HERC2: variants seen among roughly 807,000 people sequenced by gnomAD.
The protein encoded by HERC2 is HECT and RLD domain containing E3 ubiquitin protein ligase 2.
A neutral mutation model predicts 537.7 loss-of-function variants in HERC2; 102 were observed. The observed-to-expected ratio is 0.19, with a 90% CI of 0.16 to 0.22. The LOEUF (loss-of-function observed/expected upper bound fraction) is 0.22. HERC2 is among the 10% of genes least tolerant of loss of function. The pLI is 1.00. For synonymous variants in HERC2, 2,224 were observed against 2,466.2 expected (o/e 0.90, Z 2.91); for missense variants, 4,236 against 6,198.2 (o/e 0.68, Z 10.63).
intron 2 of HERC2, chr15:28,315,943 A>G: frequency 1.0e-5 from 4 of 400,196 alleles, no homozygotes; most frequent in South Asian, 8.3e-5. Context: ...CACCTTGCTC[A>G]TAAACAAAAT....
chr15:28,203,606 C>T (rs1279878444), intron 45 of HERC2: 1 of 152,018 alleles, frequency 6.6e-6, no homozygotes, highest in Non-Finnish European at 1.5e-5. Context: ...AAAACGAGTA[C>T]AACCCCTGAC....
At chr15:28,232,830 A>C (rs1441772691) in intron 30 of HERC2, among the ~76,000 whole-genome samples, 1 of 152,196 alleles carries the variant, frequency 6.6e-6, no homozygotes, top group African/African-American at 2.4e-5. Flanking sequence ...ATTATATCTC[A>C]TTACCAGGAT....
chr15:28,270,262 TAGATAGAC>T (rs1239767152), intron 10 of HERC2, among the ~76,000 whole-genome samples: 2 of 151,454 alleles, frequency 1.3e-5, no homozygotes, highest in African/African-American at 4.8e-5. Flanking sequence ...GATAGATAGA[TAGATAGAC>T]AGACAGACAG....
chr15:28,127,751 C>T (rs1889663029), intron 83 of HERC2, among the ~76,000 whole-genome samples: 1 of 152,046 alleles, frequency 6.6e-6, no homozygotes, highest in Admixed American at 6.6e-5. Flanking sequence ...TCCCAGACAA[C>T]GGGGACACAC....
intron 55 of HERC2, among the ~76,000 whole-genome samples, chr15:28,187,517 G>A (rs1288265916): frequency 6.6e-6 from 1 of 152,058 alleles, no homozygotes; most frequent in Non-Finnish European, 1.5e-5. Context: ...ATTTTTAGTA[G>A]AGACAAGGTT....
At chr15:28,165,781 C>G (rs1232854936) in intron 68 of HERC2, among the ~76,000 whole-genome samples, 1 of 152,110 alleles carries the variant, frequency 6.6e-6, no homozygotes, top group Non-Finnish European at 1.5e-5. Flanking sequence ...GCCTGGGCAA[C>G]AGAACAAGAC....
intron 4 of HERC2, among the ~76,000 whole-genome samples, chr15:28,285,817 A>AAAAAG (rs1376304077): frequency 6.6e-6 from 1 of 151,676 alleles, no homozygotes. Flanking sequence ...AAAAAAAAAA[A>AAAAAG]AAGACATAAA....
chr15:28,293,136 G>A (rs2076365281), intron 3 of HERC2, 114 bp from the exon 4 acceptor site: 1 of 868,526 alleles, frequency 1.2e-6, no homozygotes, highest in Admixed American at 2.5e-5. Flanking sequence ...CTGAATGTTG[G>A]ACAACGTAAA....
Position 28,182,431 on chromosome 15 carries a change from C to T in HERC2, c.8907G>A (p.Lys2969=). Residue 2969 remains lysine (K), a synonymous_variant, in exon 57 of 93, where the codon AAG becomes AAA. Coordinates refer to ENST00000261609, the MANE Select transcript of HERC2 (RefSeq NM_004667.6). Reference sequence around the variant, plus strand: ...AGCCTTTCAGCCCGCCCAGCTGGTCCTTGTCATTCAGGCCCCACACAAACA... The same window carrying T: ...AGCCTTTCAGCCCGCCCAGCTGGTCTTTGTCATTCAGGCCCCACACAAACA... ...TKVFVWGLND[K]DQLGGLKGSK... is the part of the protein sequence containing the mutation. 1 of 1,613,894 alleles carries T rather than the reference C, an allele frequency of 6.2e-7. No individual in the cohort carries two copies. Among genetic ancestry groups the T allele is most frequent in the Non-Finnish European group, 8.5e-7 (1 of 1,179,968 alleles).
chr15:28,177,391 C>T lies in HERC2; in HGVS notation c.9254+28G>A, dbSNP rs777183512. The T allele has an allele frequency of 2.5e-6, 4 of 1,583,798 alleles. No individual in the cohort carries two copies. In the South Asian group the frequency reaches 3.3e-5, roughly 13 times the overall value. On this transcript the variant is annotated intron_variant, in intron 60 of 92. Transcript: ENST00000261609. The surrounding 1 kb of genome is among the most constrained non-coding windows in gnomAD (Gnocchi z 5.0). Reference sequence around the variant, plus strand: ...TCAGTCAGAAACAGTTTCTTATTAGCAAATGAGACTAAAAAAAGTACCCTT... The same window carrying T: ...TCAGTCAGAAACAGTTTCTTATTAGTAAATGAGACTAAAAAAAGTACCCTT...
chr15:28,310,844 G>A (rs185968239), intron 2 of HERC2, among the ~76,000 whole-genome samples: 1,879 of 152,048 alleles, frequency 0.012, 17 homozygotes, highest in Admixed American at 0.022. Flanking sequence ...TTGGGAGGCC[G>A]AAGCGGGTGG....
intron 85 of HERC2, 129 bp downstream of exon 85, chr15:28,123,908 G>A (rs1889194624): frequency 1.5e-6 from 1 of 654,642 alleles, no homozygotes; most frequent in Non-Finnish European, 2.4e-6. Flanking sequence ...TGGCATGCAG[G>A]AGGCATTCCG....
At chr15:28,206,438 T>C (rs1898451571) in intron 44 of HERC2, 56 bp from the exon 45 acceptor site, 1 of 607,894 alleles carries the variant, frequency 1.6e-6, no homozygotes, top group East Asian at 3.4e-5. Flanking sequence ...GAACACCACT[T>C]TACTATTAAA....
chr15:28,293,437 G>A (rs1467299091), intron 3 of HERC2, among the ~76,000 whole-genome samples: 1 of 147,286 alleles, frequency 6.8e-6, no homozygotes, highest in Non-Finnish European at 1.5e-5. Flanking sequence ...AGCTTGCAGT[G>A]AGCTGAGATC....
intron 2 of HERC2, among the ~76,000 whole-genome samples, chr15:28,300,544 C>T (rs2076592001): frequency 6.6e-6 from 1 of 151,150 alleles, no homozygotes; most frequent in African/African-American, 2.4e-5. Flanking sequence ...GGTTTTAGGC[C>T]GGCCACGGTG....
rs748069514 is a variant in HERC2 at position 28,233,523 on chromosome 15, C to T, written c.4390G>A (p.Gly1464Ser). The T allele has an allele frequency of 6.3e-6, 10 of 1,590,308 alleles. No homozygotes were observed. The highest frequency in any genetic ancestry group is 7.8e-6 in the Non-Finnish European group (9 of 1,158,514). ...ALSLVHAGALGIEQVKHRTLP... is the reference protein window; with the variant it reads ...ALSLVHAGALSIEQVKHRTLP... ...GTTCTGTGCTTTACTTGCTCAATAC[C>T]AAGTGCACCTGCATGAACTAAAGAT... is the stretch of plus-strand genomic sequence containing the variant. The change falls in exon 29 of 93, where the codon GGT (glycine) becomes AGT (serine). Residue 1464 changes from glycine to serine, a missense_variant. By Grantham distance (56) the Gly-to-Ser change is moderately conservative (BLOSUM62 0). This residue lies in a region of HERC2 where 94 missense variants were observed against 174.9 expected (regional missense o/e 0.54). Transcript: ENST00000261609.
At chr15:28,239,906 G>A (rs991897389) in intron 23 of HERC2, among the ~76,000 whole-genome samples, 3 of 152,144 alleles carry the variant, frequency 2.0e-5, no homozygotes, top group African/African-American at 7.2e-5. Context: ...GTCAAGCAAT[G>A]TCAACACAGA....
At chr15:28,193,206 G>C (rs1241357434) in intron 52 of HERC2, among the ~76,000 whole-genome samples, 2 of 152,078 alleles carry the variant, frequency 1.3e-5, no homozygotes, top group Admixed American at 6.5e-5. Context: ...ACCCACAAAG[G>C]CTCCATATAT....
At position 28,215,089 on chromosome 15, in the gene HERC2, G is replaced by C. The variant is rs148941369; in HGVS notation, c.6211-287C>G. On this transcript the variant is annotated intron_variant, in intron 39 of 92. Transcript: ENST00000261609. ...AGACAGAATTTCACTATGTTGGCCA[G>C]GCTGGTCTCAAACTCCTGACCTCAT... 1.1e-4 allele frequency among the ~76,000 whole-genome samples: 17 copies of C among 152,104 alleles called. No homozygotes were observed. The East Asian group carries it at 3.3e-3, about 29-fold the overall frequency.
Sources: gnomAD v4.1 joint callset for allele counts (sites outside exome capture counted in the v4.1 genomes callset) on GRCh38, gnomAD v4.1.1 for gene constraint, gnomAD v4.1.1 regional missense constraint, Gnocchi (gnomAD v3.1) non-coding constraint, MANE v1.5 for transcripts, NCBI Gene and HGNC (gene_info 2026-07-23, HGNC 2026-07-21) for gene names.